The following PIP5K1A variants were observed in gnomAD, a reference collection of about 807,000 sequenced individuals.
The protein encoded by PIP5K1A is phosphatidylinositol 4-phosphate 5-kinase type-1 alpha.
Under a neutral mutation model 72.9 loss-of-function variants are expected in PIP5K1A, and 46 were observed. That is an observed-to-expected ratio of 0.63 (90% confidence interval 0.50 to 0.81). The LOEUF (loss-of-function observed/expected upper bound fraction) is 0.81. Ranked by LOEUF, PIP5K1A falls within the 30% of genes least tolerant of loss-of-function variation. PIP5K1A has a pLI of 0.00. For synonymous variants in PIP5K1A, 228 were observed against 255.1 expected (o/e 0.89, Z 1.01); for missense variants, 458 against 706.1 (o/e 0.65, Z 3.98).
chr1:151,244,254 T>C (rs949419762), intron 14 of PIP5K1A, among the ~76,000 whole-genome samples: 3 of 151,778 alleles, frequency 2.0e-5, no homozygotes, highest in East Asian at 3.9e-4. Context: ...GTACTTAACA[T>C]GTACAGACTT....
At chr1:151,204,880 T>C (rs763752907) in intron 1 of PIP5K1A, among the ~76,000 whole-genome samples, 1 of 152,256 alleles carries the variant, frequency 6.6e-6, no homozygotes, top group Non-Finnish European at 1.5e-5. Flanking sequence ...CTGATATTAA[T>C]TGATAATGTG....
chr1:151,198,414 C>A (rs756714784), upstream of PIP5K1A: 4 of 265,962 alleles, frequency 1.5e-5, no homozygotes, highest in Non-Finnish European at 3.0e-5. Context: ...GCGCGCACAT[C>A]TTCCACCCGT....
intron 9 of PIP5K1A, among the ~76,000 whole-genome samples, 178 bp downstream of exon 9, chr1:151,236,941 C>T (rs1461892618): frequency 6.7e-6 from 1 of 149,666 alleles, no homozygotes; most frequent in Non-Finnish European, 1.5e-5. Flanking sequence ...GATTCTCCTG[C>T]TTCAGCCTCC....
intron 1 of PIP5K1A, among the ~76,000 whole-genome samples, chr1:151,204,420 G>A (rs1685659282): frequency 1.3e-5 from 2 of 152,022 alleles, no homozygotes; most frequent in Non-Finnish European, 1.5e-5. Flanking sequence ...CAGGTGATCT[G>A]CCCACTTCAG....
At chr1:151,229,233 C>T (rs372196763) in intron 4 of PIP5K1A, among the ~76,000 whole-genome samples, 32 of 148,034 alleles carry the variant, frequency 2.2e-4, no homozygotes, top group African/African-American at 7.9e-4. Context: ...GTTGCCCAGA[C>T]TGGAATGCAG....
At chr1:151,203,265 A>C (rs1685462486) in intron 1 of PIP5K1A, among the ~76,000 whole-genome samples, 1 of 152,122 alleles carries the variant, frequency 6.6e-6, no homozygotes, top group Non-Finnish European at 1.5e-5. Flanking sequence ...ACAATGGCTC[A>C]CACCTATATT....
chr1:151,228,144 A>AT (rs138869008), intron 4 of PIP5K1A, among the ~76,000 whole-genome samples: 18,008 of 146,844 alleles, frequency 0.12, 1,064 homozygotes, highest in Middle Eastern at 0.16. Flanking sequence ...TTTCTCTTCC[A>AT]TTTTTTTTTT....
At chr1:151,243,829 T>C (rs1692104106) in intron 14 of PIP5K1A, among the ~76,000 whole-genome samples, 1 of 152,230 alleles carries the variant, frequency 6.6e-6, no homozygotes, top group Non-Finnish European at 1.5e-5. Flanking sequence ...CCTTGGGATT[T>C]ACTCCATTAG....
chr1:151,224,995 T>C (rs1688898213), intron 3 of PIP5K1A, among the ~76,000 whole-genome samples: 1 of 152,188 alleles, frequency 6.6e-6, no homozygotes, highest in Non-Finnish European at 1.5e-5. Context: ...TTTCTGGTAC[T>C]AAGGGCCTTG....
At chr1:151,232,529 A>C (rs964622534) in intron 6 of PIP5K1A, 22 bp from the exon 7 acceptor site, 2 of 1,590,102 alleles carry the variant, frequency 1.3e-6, no homozygotes, top group Non-Finnish European at 1.7e-6. Flanking sequence ...TAAATCTCTT[A>C]GTTCTTCTCT....
chr1:151,198,882 A>C lies in PIP5K1A; in HGVS notation c.-115A>C. On this transcript the variant is annotated 5_prime_UTR_variant, in exon 1 of 16. Coordinates refer to ENST00000368888, the MANE Select transcript of PIP5K1A (RefSeq NM_001135638.2). ...GAGGGAGGCCCCGGAGGGGGCGGGG[A>C]GGTGGCCCACAGAACGCGGGTTCTG... The C allele has an allele frequency of 1.0e-6, 1 of 981,796 alleles. No homozygotes were observed. The highest frequency in any genetic ancestry group is 1.6e-6 in the Non-Finnish European group (1 of 632,932). 60.8% of individuals were successfully genotyped at this position (981,796 alleles called of 1,614,324 possible).
intron 1 of PIP5K1A, among the ~76,000 whole-genome samples, chr1:151,199,628 A>AG (rs1491422379): frequency 6.6e-5 from 10 of 151,538 alleles, no homozygotes; most frequent in Admixed American, 6.6e-4. Flanking sequence ...AAAAAAAAAA[A>AG]GAAGTTGCGG....
At chr1:151,241,962 C>T (rs1029749935) in intron 12 of PIP5K1A, 161 bp from the exon 13 acceptor site, 1 of 706,864 alleles carries the variant, frequency 1.4e-6, no homozygotes, top group African/African-American at 1.8e-5. Context: ...ACCTTGTTCT[C>T]TGAATAGTAA....
intron 1 of PIP5K1A, among the ~76,000 whole-genome samples, chr1:151,199,936 C>G (rs1684977792): frequency 6.6e-6 from 1 of 152,028 alleles, no homozygotes; most frequent in African/African-American, 2.4e-5. Flanking sequence ...ACTTCGCACC[C>G]CCACCCTTAG....
At chr1:151,227,446 G>C in intron 4 of PIP5K1A, 46 bp downstream of exon 4, 1 of 1,263,634 alleles carries the variant, frequency 7.9e-7, no homozygotes, top group South Asian at 1.2e-5. Flanking sequence ...GAGCTCAGCA[G>C]CTTACTCTGG....
rs1383402826 is a variant in PIP5K1A at position 151,232,680 on chromosome 1, A to C, written c.616A>C (p.Lys206Gln). The C allele has an allele frequency of 6.2e-7, 1 of 1,613,904 alleles. No homozygotes were observed. The highest frequency in any genetic ancestry group is 8.5e-7 in the Non-Finnish European group (1 of 1,179,988). The change falls in exon 7 of 16, where the codon AAG becomes CAG. Residue 206 changes from lysine (K) to glutamine (Q), a missense_variant. Physicochemically the swap from Lys to Gln is moderately conservative, Grantham distance 53. Around this residue, in one of 3 missense-constraint regions of PIP5K1A, gnomAD observed 220 missense variants for 442.6 expected, o/e 0.50. Transcript: ENST00000368888. ...ACATAAAGAGGCGGAATTTCTGCAG[A>C]AGCTGCTTCCAGGATACTACATGGT... is the stretch of plus-strand genomic sequence containing the variant. ...VQHKEAEFLQ[K>Q]LLPGYYMNLN...
At chr1:151,228,993 C>T (rs1689580382) in intron 4 of PIP5K1A, among the ~76,000 whole-genome samples, 1 of 151,274 alleles carries the variant, frequency 6.6e-6, no homozygotes, top group African/African-American at 2.4e-5. Flanking sequence ...CATGGCAAAG[C>T]CCCATCTCTA....
intron 12 of PIP5K1A, 26 bp from the exon 13 acceptor site, chr1:151,242,097 G>T: frequency 6.2e-7 from 1 of 1,613,308 alleles, no homozygotes; most frequent in East Asian, 2.2e-5. Context: ...TAGTTGCTAA[G>T]TAGGCTCTCT....
chr1:151,236,815 TCTTTTC>T, intron 9 of PIP5K1A, 52 bp downstream of exon 9: 1 of 1,097,554 alleles, frequency 9.1e-7, no homozygotes. Flanking sequence ...ACAGCACTTT[TCTTTTC>T]TTTTTTTTTT....
Sources: allele counts gnomAD v4.1 joint callset (sites outside exome capture counted in the v4.1 genomes callset), GRCh38; gene constraint gnomAD v4.1.1; regional missense constraint gnomAD v4.1.1; transcripts MANE v1.5; gene names NCBI Gene and HGNC (gene_info 2026-07-23, HGNC 2026-07-21).